IL1RAPL1: variants seen among roughly 807,000 people sequenced by gnomAD.
IL1RAPL1 encodes the protein interleukin-1 receptor accessory protein-like 1.
IL1RAPL1 carries 3 observed loss-of-function variants against 48.4 expected under a neutral mutation model. That is an observed-to-expected ratio of 0.06 (90% CI 0.03 to 0.16). The LOEUF (loss-of-function observed/expected upper bound fraction) is 0.16. Among genes scored for constraint, IL1RAPL1 ranks in the 10% least tolerant of loss-of-function variants. The pLI is 1.00. For missense variants in IL1RAPL1, 349 were observed against 530.6 expected (o/e 0.66, Z 3.36); for synonymous variants, 185 against 187.7 (o/e 0.99, Z 0.12).
chrX:29,424,730 T>C (rs1483250613), intron 5 of IL1RAPL1, among the ~76,000 whole-genome samples: 2 of 111,362 alleles, frequency 1.8e-5, no homozygotes, highest in Non-Finnish European at 3.8e-5. Context: ...TCCAAGATCA[T>C]TGGTCTTGGG....
In IL1RAPL1 at chrX:29,319,345, C is replaced by T. The variant is rs372967103; in HGVS notation, c.362+36128C>T. Among the ~76,000 whole-genome samples, 10 of 86,780 alleles carry T rather than the reference C, an allele frequency of 1.2e-4. No individual in the cohort carries two copies. In the South Asian group the frequency reaches 2.5e-3, roughly 22 times the overall value. The allele number at this position is 86,780 out of a possible 115,157, so 75.4% of individuals were successfully genotyped here. ...TAGCTAGAACTACAAGTGCACCCCA[C>T]TGCATGTAGATAAATTTAATTTTTT... On this transcript the variant is annotated intron_variant, in intron 3 of 10. Coordinates refer to ENST00000378993, the MANE Select transcript of IL1RAPL1 (RefSeq NM_014271.4).
At position 29,668,483 on chromosome X, in the gene IL1RAPL1, A is replaced by G; in HGVS notation, c.757A>G (p.Thr253Ala). 1 of 1,205,378 alleles carries G rather than the reference A, an allele frequency of 8.3e-7. No homozygotes were observed. Among genetic ancestry groups the G allele is most frequent in the South Asian group, 1.8e-5 (1 of 56,789 alleles). Residue 253 changes from threonine to alanine, a missense_variant, in exon 6 of 11, where the codon ACA (threonine) becomes GCA (alanine). Transcript: ENST00000378993. The stretch of plus-strand genomic sequence containing the variant: ...TTTGTATCCTATGGAAAGTAAACTG[A>G]CAATTCAGGAGACCCAGCTGGGTGA... ...KLLYPMESKL[T>A]IQETQLGDSA...
intron 1 of IL1RAPL1, among the ~76,000 whole-genome samples, chrX:28,687,312 T>G (rs1044778331): frequency 8.0e-5 from 9 of 112,031 alleles, no homozygotes; most frequent in African/African-American, 2.6e-4. Context: ...ATCTGCTGAA[T>G]TATGAATTTA....
rs189082097 is a variant in IL1RAPL1 at position 29,641,650 on chromosome X, C to G, written c.704-26780C>G. 1.2e-4 allele frequency among the ~76,000 whole-genome samples: 13 copies of G among 112,540 alleles called. No individual in the cohort carries two copies. The Admixed American group carries it at 1.2e-3, about 11-fold the overall frequency. On this transcript the variant is annotated intron_variant, in intron 5 of 10. Coordinates refer to ENST00000378993, the MANE Select transcript of IL1RAPL1 (RefSeq NM_014271.4). ...CTTTGTTTCGTTCACTGCCAGTTCT[C>G]CAGCACCAAGAACAGTGCCTAGTGC...
rs148586480 is a variant in IL1RAPL1, at chrX:29,240,022, G to T, written c.83-42916G>T. ...GGATCCACCTGGATAATCTAGGCTA[G>T]TCTTCCTTTAAGGTCAGTTGATTAA... On this transcript the variant is annotated intron_variant, in intron 2 of 10. Coordinates refer to ENST00000378993, the MANE Select transcript of IL1RAPL1 (RefSeq NM_014271.4). Among the ~76,000 whole-genome samples the T allele has an allele frequency of 6.0e-3, 645 of 106,655 alleles. 7 individuals are homozygous for T. Among genetic ancestry groups the T allele is most frequent in the African/African-American group, 0.021 (595 of 28,977 alleles). The allele number at this position is 106,655 out of a possible 115,157, so 92.6% of individuals were successfully genotyped here. A position where few individuals can be genotyped will look rare whatever the true frequency, so the allele number is the denominator to read the frequency against.
intron 2 of IL1RAPL1, among the ~76,000 whole-genome samples, chrX:28,994,221 G>A (rs1333104657): frequency 9.0e-6 from 1 of 111,586 alleles, no homozygotes; most frequent in African/African-American, 3.3e-5. Flanking sequence ...TCTGGAGGGG[G>A]TTTTAACTTA....
At chrX:29,313,540 A>G (rs753238349) in intron 3 of IL1RAPL1, among the ~76,000 whole-genome samples, 1 of 111,674 alleles carries the variant, frequency 9.0e-6, no homozygotes, top group Non-Finnish European at 1.9e-5. Flanking sequence ...GTCCAAGTTT[A>G]TTTCTCCAAC....
chrX:29,428,930 T>C (rs903042398), intron 5 of IL1RAPL1, among the ~76,000 whole-genome samples: 2 of 112,047 alleles, frequency 1.8e-5, no homozygotes, highest in African/African-American at 6.5e-5. Flanking sequence ...CTTTCTTTAG[T>C]GTATATTGAG....
intron 6 of IL1RAPL1, among the ~76,000 whole-genome samples, chrX:29,856,690 C>T (rs1484797404): frequency 1.8e-5 from 2 of 111,575 alleles, no homozygotes; most frequent in Admixed American, 1.9e-4. Flanking sequence ...AAACTCACAT[C>T]CCTTTATATT....
intron 1 of IL1RAPL1, among the ~76,000 whole-genome samples, chrX:28,684,661 A>G (rs901987434): frequency 3.8e-4 from 43 of 112,023 alleles, no homozygotes; most frequent in African/African-American, 1.4e-3. Context: ...GCCATGCTCT[A>G]TGAATGGTTG....
At chrX:29,630,683 C>T (rs1924747204) in intron 5 of IL1RAPL1, among the ~76,000 whole-genome samples, 1 of 110,223 alleles carries the variant, frequency 9.1e-6, no homozygotes, top group Admixed American at 9.7e-5. Context: ...GGACTACAGG[C>T]GCCCACCACC....
intron 2 of IL1RAPL1, among the ~76,000 whole-genome samples, chrX:29,091,309 G>A (rs774128709): frequency 1.8e-5 from 2 of 111,696 alleles, no homozygotes; most frequent in Non-Finnish European, 3.8e-5. Flanking sequence ...CTGTGGACTA[G>A]TAGTTGTCAT....
At chrX:28,795,877 G>T (rs1936605447) in intron 2 of IL1RAPL1, among the ~76,000 whole-genome samples, 1 of 110,895 alleles carries the variant, frequency 9.0e-6, no homozygotes, top group Non-Finnish European at 1.9e-5. Flanking sequence ...TTAGAGAAAT[G>T]ATGTTCGTAT....
At chrX:29,090,209 A>G (rs1488281332) in intron 2 of IL1RAPL1, among the ~76,000 whole-genome samples, 2 of 111,526 alleles carry the variant, frequency 1.8e-5, no homozygotes, top group African/African-American at 6.5e-5. Flanking sequence ...TTAAAACATG[A>G]TATTCTTAAA....
intron 1 of IL1RAPL1, among the ~76,000 whole-genome samples, chrX:28,762,227 T>G (rs1216516946): frequency 9.0e-6 from 1 of 111,421 alleles, no homozygotes; most frequent in East Asian, 2.8e-4. Flanking sequence ...ATGAAAGACA[T>G]TATAAAAAAA....
chrX:28,659,227 A>C, intron 1 of IL1RAPL1: 1 of 741,787 alleles, frequency 1.3e-6, no homozygotes, highest in Non-Finnish European at 2.1e-6. Context: ...GGAAGCGCAG[A>C]TCTGTTTTAA....
intron 3 of IL1RAPL1, among the ~76,000 whole-genome samples, chrX:29,294,519 A>G (rs1287217598): frequency 9.8e-6 from 1 of 101,657 alleles, no homozygotes; most frequent in Non-Finnish European, 2.0e-5. Context: ...TCCATCTCAG[A>G]AAAAAAAAAA....
intron 1 of IL1RAPL1, among the ~76,000 whole-genome samples, chrX:28,594,008 T>C (rs946117558): frequency 9.0e-6 from 1 of 111,514 alleles, no homozygotes; most frequent in Non-Finnish European, 1.9e-5. Flanking sequence ...AATGAATTTA[T>C]GTATAGTCAC....
At chrX:29,144,603 CAAA>C (rs1235048808) in intron 2 of IL1RAPL1, among the ~76,000 whole-genome samples, 2 of 21,870 alleles carry the variant, frequency 9.1e-5, no homozygotes, top group Non-Finnish European at 1.9e-4. Context: ...AACTCAGTCT[CAAA>C]AAAAAAAAAA....
Sources: gnomAD v4.1 joint callset for allele counts (sites outside exome capture counted in the v4.1 genomes callset) on GRCh38, gnomAD v4.1.1 for gene constraint, MANE v1.5 for transcripts, NCBI Gene and HGNC (gene_info 2026-07-23, HGNC 2026-07-21) for gene names.